Variants in PSMD14 observed in about 807,000 individuals in gnomAD.
PSMD14 encodes proteasome 26S subunit, non-ATPase 14.
PSMD14 carries 7 observed loss-of-function variants against 41.2 expected under a neutral mutation model. The observed-to-expected ratio is 0.17, with a 90% CI of 0.10 to 0.32. The LOEUF is 0.32. PSMD14 is among the 10% of genes least tolerant of loss of function. The probability of loss-of-function intolerance (pLI) is 1.00; values close to 1 mark genes in which losing one functional copy is unlikely to be tolerated. For missense variants in PSMD14, 139 were observed against 375.6 expected, an observed-to-expected ratio of 0.37 and a Z score of 5.21; for synonymous variants, 114 against 122.3, an observed-to-expected ratio of 0.93 and a Z score of 0.45.
At chr2:161,391,279 C>A in intron 9 of PSMD14, 101 bp downstream of exon 9, 1 of 1,165,450 alleles carries the variant, frequency 8.6e-7, no homozygotes, top group Non-Finnish European at 1.1e-6. Context: ...TGACCTCTTT[C>A]AGTGTTTCCA....
chr2:161,329,886 A>C (rs1445661874), intron 3 of PSMD14, among the ~76,000 whole-genome samples: 1 of 152,152 alleles, frequency 6.6e-6, no homozygotes, highest in African/African-American at 2.4e-5. Context: ...ATACGTATTA[A>C]ACTCTGTGAA....
intron 5 of PSMD14, 25 bp from the exon 6 acceptor site, chr2:161,370,082 T>C (rs753012022): frequency 1.3e-5 from 19 of 1,501,604 alleles, no homozygotes; most frequent in Non-Finnish European, 8.9e-7. Flanking sequence ...CAAAAATTAA[T>C]AATTTTTCTT....
intron 10 of PSMD14, among the ~76,000 whole-genome samples, chr2:161,397,700 G>C (rs888474313): frequency 1.3e-5 from 2 of 152,090 alleles, no homozygotes; most frequent in Admixed American, 6.5e-5. Context: ...ACTTTTGAGA[G>C]AACTAAGCTT....
intron 3 of PSMD14, among the ~76,000 whole-genome samples, chr2:161,333,385 A>G (rs1682822840): frequency 6.6e-6 from 1 of 152,242 alleles, no homozygotes; most frequent in African/African-American, 2.4e-5. Context: ...CTGGGTTACC[A>G]GTCTGTGTGG....
At chr2:161,372,391 T>C (rs1440788606) in intron 7 of PSMD14, among the ~76,000 whole-genome samples, 2 of 152,050 alleles carry the variant, frequency 1.3e-5, no homozygotes, top group Admixed American at 1.3e-4. Context: ...AAACTAAACA[T>C]GGCTGTTAAA....
At chr2:161,329,034 T>C (rs975252996) in intron 3 of PSMD14, among the ~76,000 whole-genome samples, 3 of 152,144 alleles carry the variant, frequency 2.0e-5, no homozygotes, top group Non-Finnish European at 2.9e-5. Context: ...TCTCCCAGTC[T>C]TTAATTTGAA....
intron 8 of PSMD14, among the ~76,000 whole-genome samples, chr2:161,387,682 C>T (rs1020607778): frequency 9.9e-5 from 15 of 151,820 alleles, no homozygotes; most frequent in Admixed American, 3.3e-4. Context: ...TAGATGGTGC[C>T]TATATATTTA....
chr2:161,341,033 G>A (rs1682948275), intron 3 of PSMD14: 3 of 1,604,970 alleles, frequency 1.9e-6, no homozygotes, highest in East Asian at 2.2e-5. Flanking sequence ...GCGCCGCCGC[G>A]GGATCCCCTG....
At chr2:161,404,057 C>T (rs984546547) in intron 10 of PSMD14, among the ~76,000 whole-genome samples, 3 of 151,820 alleles carry the variant, frequency 2.0e-5, no homozygotes, top group Non-Finnish European at 4.4e-5. Flanking sequence ...AAGCACTCAC[C>T]ACTATGCCTG....
At chr2:161,371,934 TTC>T (rs1392701158) in intron 7 of PSMD14, among the ~76,000 whole-genome samples, 2 of 152,046 alleles carry the variant, frequency 1.3e-5, no homozygotes, top group Admixed American at 6.6e-5. Flanking sequence ...TCTTGTTTAG[TTC>T]TCTTTCTCTT....
intron 3 of PSMD14, among the ~76,000 whole-genome samples, chr2:161,360,023 A>G (rs999148823): frequency 1.3e-5 from 2 of 152,170 alleles, no homozygotes; most frequent in African/African-American, 2.4e-5. Context: ...ATTGGTATCT[A>G]TCACACATTT....
At chr2:161,356,020 T>C (rs1005811444) in intron 3 of PSMD14, among the ~76,000 whole-genome samples, 8 of 150,926 alleles carry the variant, frequency 5.3e-5, no homozygotes, top group African/African-American at 1.2e-4. Flanking sequence ...CTGAATAATA[T>C]AGTCATTGAA....
At chr2:161,348,530 A>T (rs1010713293) in intron 3 of PSMD14, among the ~76,000 whole-genome samples, 2 of 152,204 alleles carry the variant, frequency 1.3e-5, no homozygotes, top group African/African-American at 4.8e-5. Context: ...TTAATAGTGG[A>T]AGTTTGTAAA....
chr2:161,394,299 A>G (rs1400152686), intron 9 of PSMD14, among the ~76,000 whole-genome samples: 1 of 152,108 alleles, frequency 6.6e-6, no homozygotes, highest in African/African-American at 2.4e-5. Context: ...TGAGAATAAA[A>G]GATTTTCATG....
chr2:161,321,605 A>G (rs1196509975), intron 3 of PSMD14, among the ~76,000 whole-genome samples: 1 of 152,198 alleles, frequency 6.6e-6, no homozygotes, highest in African/African-American at 2.4e-5. Context: ...TGTGTCCCCA[A>G]GCCATCCACA....
chr2:161,389,323 C>T (rs1401382391), intron 8 of PSMD14, among the ~76,000 whole-genome samples: 1 of 152,166 alleles, frequency 6.6e-6, no homozygotes, highest in African/African-American at 2.4e-5. Flanking sequence ...ACTCTCTACG[C>T]CAGACTATGT....
chr2:161,404,622 C>T (rs1173297172), intron 10 of PSMD14, among the ~76,000 whole-genome samples: 1 of 152,132 alleles, frequency 6.6e-6, no homozygotes, highest in Non-Finnish European at 1.5e-5. Context: ...ATAACCTTTT[C>T]ATGACAGAGT....
intron 3 of PSMD14, chr2:161,319,081 A>T (rs2105230843): frequency 2.5e-6 from 1 of 401,622 alleles, no homozygotes; most frequent in South Asian, 9.5e-5. Flanking sequence ...TCCTGGGAAT[A>T]AGAATTTTCT....
At chr2:161,372,339 G>T (rs959093167) in intron 7 of PSMD14, among the ~76,000 whole-genome samples, 2 of 152,038 alleles carry the variant, frequency 1.3e-5, no homozygotes, top group Non-Finnish European at 2.9e-5. Flanking sequence ...CCTGGAGTTT[G>T]ATAGTAGTGC....
Sources: gnomAD v4.1 joint callset for allele counts (sites outside exome capture counted in the v4.1 genomes callset) on GRCh38, gnomAD v4.1.1 for gene constraint, MANE v1.5 for transcripts, NCBI Gene and HGNC (gene_info 2026-07-23, HGNC 2026-07-21) for gene names.